Variants in ITPRID1 observed in about 807,000 individuals in gnomAD.
ITPRID1 encodes the protein protein ITPRID1.
ITPRID1 carries 96 observed loss-of-function variants against 95.4 expected under a neutral mutation model. The ratio of observed to expected loss-of-function variants is 1.01; its 90% CI spans 0.85 to 1.19. The LOEUF (loss-of-function observed/expected upper bound fraction) is 1.19. Among genes scored for constraint, ITPRID1 ranks in the 50% most tolerant of loss-of-function variants. ITPRID1 has a pLI of 0.00. For missense variants in ITPRID1, 1,339 were observed against 1,252.9 expected (o/e 1.07, Z -1.04); for synonymous variants, 510 against 453.6 (o/e 1.12, Z -1.58).
At chr7:31,547,992 T>C (rs1473011022) in intron 1 of ITPRID1, among the ~76,000 whole-genome samples, 1 of 151,938 alleles carries the variant, frequency 6.6e-6, no homozygotes, top group Non-Finnish European at 1.5e-5. Flanking sequence ...TTCAAGGTGG[T>C]CACATGAAAG....
chr7:31,519,367 ATTAAC>A (rs1783144547), intron 1 of ITPRID1, among the ~76,000 whole-genome samples: 1 of 152,054 alleles, frequency 6.6e-6, no homozygotes, highest in African/African-American at 2.4e-5. Context: ...CTAAAATTGT[ATTAAC>A]TTCTTGTTAT....
chr7:31,516,145 G>C (rs958598009), intron 1 of ITPRID1, among the ~76,000 whole-genome samples: 6 of 152,084 alleles, frequency 3.9e-5, no homozygotes, highest in African/African-American at 1.4e-4. Context: ...GATTGGGTGA[G>C]GAAAGGAAAG....
At chr7:31,657,220 GCT>G (rs1257651666), downstream of ITPRID1, among the ~76,000 whole-genome samples, 2 of 23,138 alleles carry the variant, frequency 8.6e-5, no homozygotes, top group Non-Finnish European at 2.1e-4. Context: ...AGTTGTCTAA[GCT>G]CTGGCAACCA....
At chr7:31,555,222 A>G (rs1784408644) in intron 5 of ITPRID1, 1 of 205,022 alleles carries the variant, frequency 4.9e-6, no homozygotes. Context: ...AATTTTCCCC[A>G]TCCTGTATTA....
At chr7:31,569,715 T>C (rs371159893) in intron 5 of ITPRID1, 43 bp from the exon 6 acceptor site, 5 of 1,532,830 alleles carry the variant, frequency 3.3e-6, no homozygotes, top group African/African-American at 2.7e-5. Flanking sequence ...TTCCGCAAGA[T>C]AAAACGAAAT....
intron 10 of ITPRID1, among the ~76,000 whole-genome samples, chr7:31,615,345 T>C (rs1483518023): frequency 1.3e-5 from 2 of 152,196 alleles, no homozygotes; most frequent in Non-Finnish European, 2.9e-5. Context: ...TACCTCAATG[T>C]TCCCATCTTC....
chr7:31,574,842 C>T, intron 8 of ITPRID1, 100 bp downstream of exon 8: 1 of 1,004,338 alleles, frequency 1.0e-6, no homozygotes, highest in Non-Finnish European at 1.5e-6. Context: ...AGCATGCAAA[C>T]CCTCTATTAC....
intron 5 of ITPRID1, among the ~76,000 whole-genome samples, chr7:31,565,234 C>T (rs1055758281): frequency 6.6e-6 from 1 of 152,134 alleles, no homozygotes; most frequent in African/African-American, 2.4e-5. Context: ...GAGCCCAGAA[C>T]ATAAAATGGA....
intron 1 of ITPRID1, among the ~76,000 whole-genome samples, chr7:31,524,231 G>A (rs1783355608): frequency 1.3e-5 from 2 of 152,152 alleles, no homozygotes; most frequent in African/African-American, 2.4e-5. Flanking sequence ...GTAGAGAAAG[G>A]GGGAAAATCA....
At chr7:31,624,836 A>G (rs1583629692) in intron 10 of ITPRID1, among the ~76,000 whole-genome samples, 1 of 152,304 alleles carries the variant, frequency 6.6e-6, no homozygotes, top group South Asian at 2.1e-4. Flanking sequence ...TGAACAGGCA[A>G]CCCACAAAAT....
At chr7:31,636,422 TGTTTG>T (rs1435587713) in intron 10 of ITPRID1, among the ~76,000 whole-genome samples, 1 of 152,164 alleles carries the variant, frequency 6.6e-6, no homozygotes, top group Admixed American at 6.5e-5. Flanking sequence ...GCTTCGAGAT[TGTTTG>T]AAAAGTTGAA....
intron 8 of ITPRID1, among the ~76,000 whole-genome samples, chr7:31,575,511 A>C (rs1785148735): frequency 1.3e-5 from 2 of 152,204 alleles, no homozygotes; most frequent in South Asian, 4.1e-4. Flanking sequence ...TGGGGGAAAG[A>C]TGCTTTGCAG....
chr7:31,647,300 C>T (rs1790548767), intron 12 of ITPRID1, among the ~76,000 whole-genome samples: 1 of 152,014 alleles, frequency 6.6e-6, no homozygotes, highest in East Asian at 1.9e-4. Flanking sequence ...AAAATATTTA[C>T]GAAAATATTA....
At chr7:31,631,024 G>C (rs1038044958) in intron 10 of ITPRID1, among the ~76,000 whole-genome samples, 3 of 152,126 alleles carry the variant, frequency 2.0e-5, no homozygotes, top group Non-Finnish European at 2.9e-5. Context: ...ATTAACTCAA[G>C]AAGTAGGTAT....
At chr7:31,623,068 T>C (rs1788074090) in intron 10 of ITPRID1, among the ~76,000 whole-genome samples, 1 of 152,254 alleles carries the variant, frequency 6.6e-6, no homozygotes, top group Admixed American at 6.5e-5. Flanking sequence ...AAGTTGAATC[T>C]CTGAATAGGC....
intron 10 of ITPRID1, among the ~76,000 whole-genome samples, chr7:31,619,516 C>G (rs1787597403): frequency 6.9e-6 from 1 of 144,392 alleles, no homozygotes; most frequent in South Asian, 2.4e-4. Flanking sequence ...AGAATAACAT[C>G]TGATTTATTT....
At chr7:31,574,995 T>TA (rs1447200759) in intron 8 of ITPRID1, among the ~76,000 whole-genome samples, 1 of 152,212 alleles carries the variant, frequency 6.6e-6, no homozygotes, top group African/African-American at 2.4e-5. Context: ...GGAACCTCAC[T>TA]AGTTGCAATG....
intron 5 of ITPRID1, among the ~76,000 whole-genome samples, chr7:31,558,353 A>G (rs1288544985): frequency 6.6e-6 from 1 of 152,210 alleles, no homozygotes; most frequent in Non-Finnish European, 1.5e-5. Flanking sequence ...AAGTCAAAGC[A>G]TGGGCAATGT....
intron 10 of ITPRID1, among the ~76,000 whole-genome samples, chr7:31,625,166 T>C (rs371275804): frequency 1.5e-3 from 235 of 152,192 alleles, no homozygotes; most frequent in Non-Finnish European, 2.3e-3. Flanking sequence ...CACTTTTACA[T>C]TGTTGGTGGG....
Sources: gnomAD v4.1 joint callset for allele counts (sites outside exome capture counted in the v4.1 genomes callset) on GRCh38, gnomAD v4.1.1 for gene constraint, MANE v1.5 for transcripts, NCBI Gene and HGNC (gene_info 2026-07-23, HGNC 2026-07-21) for gene names.